The following IL22RA1 variants were observed in gnomAD, a reference collection of about 807,000 sequenced individuals.
IL22RA1 encodes the protein interleukin 22 receptor subunit alpha 1, also known as interleukin-22 receptor subunit alpha-1.
Under a neutral mutation model 32.8 loss-of-function variants are expected in IL22RA1, and 25 were observed. That is an observed-to-expected ratio of 0.76 (90% confidence interval 0.55 to 1.06). The LOEUF (loss-of-function observed/expected upper bound fraction) is 1.06. IL22RA1 is among the 50% of genes least tolerant of loss of function. IL22RA1 has a pLI of 0.00. For synonymous variants in IL22RA1, 305 were observed against 305.0 expected, an observed-to-expected ratio of 1.00 and a Z score of 0.00; for missense variants, 709 against 727.4, an observed-to-expected ratio of 0.97 and a Z score of 0.29.
At chr1:24,136,426 C>T (rs1369979644) in intron 3 of IL22RA1, among the ~76,000 whole-genome samples, 1 of 152,144 alleles carries the variant, frequency 6.6e-6, no homozygotes, top group Admixed American at 6.5e-5. Flanking sequence ...AGACAATAAG[C>T]CCTGTATTGC....
At chr1:24,123,575 G>C in intron 5 of IL22RA1, 152 bp from the exon 6 acceptor site, 1 of 1,445,620 alleles carries the variant, frequency 6.9e-7, no homozygotes, top group Non-Finnish European at 9.1e-7. Flanking sequence ...ACAAATGGAA[G>C]TCCATATACT....
chr1:24,137,124 A>G lies in IL22RA1; in HGVS notation c.355+7T>C. On this transcript the variant is annotated splice_region_variant and intron_variant, in intron 3 of 6. Coordinates refer to ENST00000270800, the MANE Select transcript of IL22RA1 (RefSeq NM_021258.4). ...CTCCCCTGAAACCCACAGGGGCTCC[A>G]ACTCACTGTGCTGCAGAGAGCTGAA... 6.2e-7 allele frequency: 1 copy of G among 1,606,304 alleles called. No homozygotes were observed.
rs753562066 is a variant in IL22RA1, at chr1:24,123,298, T to G, written c.792+4A>C. 6.2e-7 allele frequency: 1 copy of G among 1,613,422 alleles called. No homozygotes were observed. Among genetic ancestry groups the G allele is most frequent in the Non-Finnish European group, 8.5e-7 (1 of 1,179,664 alleles). On this transcript the variant is annotated splice_donor_region_variant and intron_variant, in intron 6 of 6. Coordinates refer to ENST00000270800, the MANE Select transcript of IL22RA1 (RefSeq NM_021258.4). Reference sequence around the variant, plus strand: ...CTCCCTCCCACCCTGGGGGGATGGCTCACCAGGGAGTTGGGAGGTGCAGGC... The same window carrying G: ...CTCCCTCCCACCCTGGGGGGATGGCGCACCAGGGAGTTGGGAGGTGCAGGC...
intron 3 of IL22RA1, among the ~76,000 whole-genome samples, chr1:24,134,624 G>T (rs74060513): frequency 0.016 from 2,407 of 152,248 alleles, 84 homozygotes; most frequent in African/African-American, 0.055. Flanking sequence ...GAACTCAGGG[G>T]GAGGGGCACC....
intron 5 of IL22RA1, among the ~76,000 whole-genome samples, chr1:24,127,289 A>T (rs1474454398): frequency 1.3e-5 from 2 of 150,938 alleles, no homozygotes; most frequent in Non-Finnish European, 2.9e-5. Flanking sequence ...ATCCCTCAGC[A>T]CCTGTGTGAC....
In IL22RA1 at chr1:24,121,651, G is replaced by A. The variant is rs1644123411; in HGVS notation, c.879C>T (p.Ser293=). The change falls in exon 7 of 7, where the codon AGC becomes AGT. Residue 293 remains serine, a synonymous_variant. Transcript: ENST00000270800. ...LIPVFDLSGP[S]SLAQPVQYSQ... is the part of the protein sequence containing the mutation. Reference sequence around the variant, plus strand: ...AGTACTGGACAGGCTGGGCCAGACTGCTGGGGCCGCTGAGGTCAAAGACAG... The same window carrying A: ...AGTACTGGACAGGCTGGGCCAGACTACTGGGGCCGCTGAGGTCAAAGACAG... The A allele has an allele frequency of 6.2e-7, 1 of 1,609,490 alleles. No individual in the cohort carries two copies. Among genetic ancestry groups the A allele is most frequent in the African/African-American group, 1.3e-5 (1 of 74,762 alleles).
At chr1:24,129,715 G>C (rs946579587) in intron 4 of IL22RA1, among the ~76,000 whole-genome samples, 5 of 152,194 alleles carry the variant, frequency 3.3e-5, no homozygotes, top group Non-Finnish European at 5.9e-5. Context: ...GCACATGGAG[G>C]CCAAGGTTGA....
Position 24,128,191 on chromosome 1 carries a change from G to A in IL22RA1, c.620C>T (p.Thr207Ile), listed in dbSNP as rs781079339. Residue 207 changes from threonine (T) to isoleucine (I), a missense_variant, in exon 5 of 7, where the codon ACC (threonine) becomes ATC (isoleucine). Thr to Ile is a moderately conservative substitution (Grantham distance 89, BLOSUM62 -1). Coordinates refer to ENST00000270800, the MANE Select transcript of IL22RA1 (RefSeq NM_021258.4). ...FLGTIMICVP[T>I]WAKESAPYMC... ...GTAGGGGGCACTCTCCTTGGCCCAGGTGGGAACGCAAATCATGATGGTGCC... is the reference window on the plus strand; with the variant it reads ...GTAGGGGGCACTCTCCTTGGCCCAGATGGGAACGCAAATCATGATGGTGCC... 4.4e-6 allele frequency: 7 copies of A among 1,601,166 alleles called. No individual in the cohort carries two copies. The highest frequency in any genetic ancestry group is 6.0e-6 in the Non-Finnish European group (7 of 1,173,826).
At chr1:24,138,236 T>C (rs1347477827) in intron 2 of IL22RA1, among the ~76,000 whole-genome samples, 1 of 152,214 alleles carries the variant, frequency 6.6e-6, no homozygotes, top group Non-Finnish European at 1.5e-5. Flanking sequence ...CAAGTGCTAA[T>C]GACTTTATCT....
intron 3 of IL22RA1, among the ~76,000 whole-genome samples, chr1:24,136,764 T>C (rs1466695949): frequency 6.6e-6 from 1 of 151,876 alleles, no homozygotes; most frequent in Non-Finnish European, 1.5e-5. Flanking sequence ...GAAGAGAAGG[T>C]GGGATTTATG....
intron 2 of IL22RA1, 23 bp downstream of exon 2, chr1:24,138,559 G>T: frequency 6.2e-7 from 1 of 1,613,980 alleles, no homozygotes; most frequent in Non-Finnish European, 8.5e-7. Flanking sequence ...GTCAAAGGAG[G>T]TGGGGTCAAG....
rs1394548208 is a variant in IL22RA1, at chr1:24,143,052, CCA to C, written c.29_30del (p.Val10GlyfsTer9). MRTLLTILT[V>X]GSLAAHAPED... The stretch of plus-strand genomic sequence containing the variant: ...GATGGGCACTCACCAGCCAGGGATC[CCA>C]CAGTCAAGATGGTCAGCAGCGTCCT... On this transcript the variant is annotated frameshift_variant, in exon 1 of 7. Coordinates refer to ENST00000270800, the MANE Select transcript of IL22RA1 (RefSeq NM_021258.4). LOFTEE classifies it high-confidence loss of function. 3.1e-6 allele frequency: 5 copies of C among 1,613,386 alleles called. No individual in the cohort carries two copies. The highest frequency in any genetic ancestry group is 4.2e-6 in the Non-Finnish European group (5 of 1,179,776).
chr1:24,139,967 A>G (rs558448498), intron 1 of IL22RA1, among the ~76,000 whole-genome samples: 1 of 152,362 alleles, frequency 6.6e-6, no homozygotes, highest in South Asian at 2.1e-4. Flanking sequence ...GGCGCTCTTG[A>G]CTGAGCCCAC....
At chr1:24,123,273 C>T (rs1401458792) in intron 6 of IL22RA1, 29 bp downstream of exon 6, 16 of 1,607,076 alleles carry the variant, frequency 1.0e-5, no homozygotes, top group Non-Finnish European at 1.4e-5. Context: ...CCCTGGACCT[C>T]TCCCTCCCAC....
chr1:24,129,311 T>A (rs1644186712), intron 4 of IL22RA1, among the ~76,000 whole-genome samples: 1 of 152,226 alleles, frequency 6.6e-6, no homozygotes, highest in Non-Finnish European at 1.5e-5. Flanking sequence ...AGCACCGATG[T>A]GTGGATAACT....
rs1366630856 is a variant in IL22RA1 at position 24,123,421 on chromosome 1, G to C, written c.673C>G (p.Arg225Gly). 3.1e-6 allele frequency: 5 copies of C among 1,612,754 alleles called. No individual in the cohort carries two copies. The highest frequency in any genetic ancestry group is 4.2e-6 in the Non-Finnish European group (5 of 1,179,534). The change falls in exon 6 of 7, where the codon CGG becomes GGG. Residue 225 changes from arginine to glycine, a missense_variant and splice_region_variant. By Grantham distance (125) the Arg-to-Gly change is moderately radical. Coordinates refer to ENST00000270800, the MANE Select transcript of IL22RA1 (RefSeq NM_021258.4). ...CCGGAGAAGGAGTAGGTCCATGTCCGGTCTGGGAAACCAAAGGGGCCAGAG... is the reference window on the plus strand; with the variant it reads ...CCGGAGAAGGAGTAGGTCCATGTCCCGTCTGGGAAACCAAAGGGGCCAGAG... Reference protein sequence around the residue: ...YMCRVKTLPDRTWTYSFSGAF... With the variant: ...YMCRVKTLPDGTWTYSFSGAF...
chr1:24,122,562 G>A (rs1209466037), intron 6 of IL22RA1, among the ~76,000 whole-genome samples: 2 of 152,130 alleles, frequency 1.3e-5, no homozygotes, highest in African/African-American at 2.4e-5. Context: ...TTGGGAGGCC[G>A]AGGTGGGTAG....
intron 2 of IL22RA1, 104 bp downstream of exon 2, chr1:24,138,478 C>T: frequency 7.9e-7 from 1 of 1,265,694 alleles, no homozygotes; most frequent in Non-Finnish European, 1.1e-6. Context: ...TATGTGACAC[C>T]AGTCCTGGTG....
intron 1 of IL22RA1, among the ~76,000 whole-genome samples, chr1:24,142,568 G>A (rs1644288808): frequency 6.6e-6 from 1 of 152,212 alleles, no homozygotes; most frequent in Admixed American, 6.5e-5. Context: ...GGGCCAAAGA[G>A]GCCCTGCAGG....
Sources: allele counts gnomAD v4.1 joint callset (sites outside exome capture counted in the v4.1 genomes callset), GRCh38; gene constraint gnomAD v4.1.1; transcripts MANE v1.5; gene names NCBI Gene and HGNC (gene_info 2026-07-23, HGNC 2026-07-21).